Variants in SETBP1 observed in about 807,000 individuals in gnomAD.
The protein encoded by SETBP1 is SET-binding protein.
SETBP1 carries 9 observed loss-of-function variants against 101.0 expected under a neutral mutation model. That is an observed-to-expected ratio of 0.09 (90% CI 0.05 to 0.16). The LOEUF (loss-of-function observed/expected upper bound fraction) is 0.16, where lower values mean the gene tolerates loss of function less well. Among genes scored for constraint, SETBP1 ranks in the 10% least tolerant of loss-of-function variants. The probability of loss-of-function intolerance (pLI) is 1.00; values close to 1 mark genes in which losing one functional copy is unlikely to be tolerated. For missense variants in SETBP1, 1,858 were observed against 2,033.8 expected, an observed-to-expected ratio of 0.91 and a Z score of 1.66; for synonymous variants, 818 against 788.5, an observed-to-expected ratio of 1.04 and a Z score of -0.63.
intron 3 of SETBP1, among the ~76,000 whole-genome samples, chr18:44,903,240 T>C (rs1180763246): frequency 1.3e-5 from 2 of 152,108 alleles, no homozygotes. Flanking sequence ...AGGTTTTAGG[T>C]ATAAAATAAA....
At chr18:44,743,116 G>T (rs2057274363) in intron 2 of SETBP1, among the ~76,000 whole-genome samples, 1 of 150,450 alleles carries the variant, frequency 6.6e-6, no homozygotes, top group African/African-American at 2.5e-5. Flanking sequence ...CTGCTTCCCT[G>T]CCTTCCCTTC....
At chr18:44,937,193 C>T (rs1052261941) in intron 3 of SETBP1, among the ~76,000 whole-genome samples, 1 of 152,100 alleles carries the variant, frequency 6.6e-6, no homozygotes, top group African/African-American at 2.4e-5. Context: ...TGGCTCACGC[C>T]TGTAATCCCA....
intron 2 of SETBP1, among the ~76,000 whole-genome samples, chr18:44,813,389 T>G (rs980059001): frequency 4.6e-5 from 7 of 152,126 alleles, no homozygotes; most frequent in African/African-American, 1.7e-4. Flanking sequence ...GGGAGACAAG[T>G]GCTGGACAGG....
chr18:45,002,107 C>T (rs2072629693), intron 4 of SETBP1, among the ~76,000 whole-genome samples: 1 of 152,174 alleles, frequency 6.6e-6, no homozygotes, highest in Admixed American at 6.5e-5. Context: ...AGCCTTCTCC[C>T]CCACAGTTCA....
chr18:44,776,575 A>C (rs974357098), intron 2 of SETBP1, among the ~76,000 whole-genome samples: 4 of 152,166 alleles, frequency 2.6e-5, no homozygotes, highest in African/African-American at 9.7e-5. Flanking sequence ...GTGTGTTAAG[A>C]AGCTTTCCTC....
intron 3 of SETBP1, among the ~76,000 whole-genome samples, chr18:44,881,967 C>A (rs1162114215): frequency 6.6e-6 from 1 of 152,120 alleles, no homozygotes; most frequent in Non-Finnish European, 1.5e-5. Flanking sequence ...CATTAAGCAG[C>A]AATAACAAAC....
chr18:44,852,422 G>C (rs2072889569), intron 2 of SETBP1, among the ~76,000 whole-genome samples: 1 of 152,214 alleles, frequency 6.6e-6, no homozygotes, highest in South Asian at 2.1e-4. Flanking sequence ...TTCCCATGAA[G>C]CTGGGTGTGC....
At chr18:44,753,353 T>C (rs1323940753) in intron 2 of SETBP1, among the ~76,000 whole-genome samples, 1 of 152,182 alleles carries the variant, frequency 6.6e-6, no homozygotes, top group African/African-American at 2.4e-5. Context: ...AGAATACTCC[T>C]TCATCCATGG....
intron 4 of SETBP1, among the ~76,000 whole-genome samples, chr18:45,034,439 T>C (rs994182463): frequency 2.0e-5 from 3 of 151,960 alleles, no homozygotes; most frequent in African/African-American, 7.3e-5. Context: ...GGTGTGCAGG[T>C]AGAGGTTTGA....
chr18:45,034,301 G>A (rs550108368), intron 4 of SETBP1, among the ~76,000 whole-genome samples: 2 of 152,292 alleles, frequency 1.3e-5, no homozygotes, highest in South Asian at 2.1e-4. Flanking sequence ...TAGATGCAGC[G>A]CCTGCCACTG....
intron 4 of SETBP1, among the ~76,000 whole-genome samples, chr18:45,014,726 G>T (rs1219975837): frequency 6.6e-6 from 1 of 151,852 alleles, no homozygotes; most frequent in Admixed American, 6.6e-5. Context: ...TACTAGTTGT[G>T]GTAATAAAGG....
chr18:44,691,677 T>G (rs1381151858), intron 1 of SETBP1, among the ~76,000 whole-genome samples: 1 of 152,142 alleles, frequency 6.6e-6, no homozygotes, highest in African/African-American at 2.4e-5. Flanking sequence ...ACTAACGGCA[T>G]ATGCTTAGTT....
chr18:44,742,362 A>AG (rs1349400911), intron 2 of SETBP1, among the ~76,000 whole-genome samples: 1 of 152,110 alleles, frequency 6.6e-6, no homozygotes, highest in Non-Finnish European at 1.5e-5. Context: ...GTCTTCTGGG[A>AG]GATTTTGCTC....
intron 3 of SETBP1, among the ~76,000 whole-genome samples, chr18:44,947,737 C>G (rs778061044): frequency 1.3e-5 from 2 of 152,130 alleles, no homozygotes; most frequent in African/African-American, 4.8e-5. Flanking sequence ...AACGCCCGAC[C>G]TCAGGTGATC....
At chr18:45,014,551 A>G (rs1207959848) in intron 4 of SETBP1, among the ~76,000 whole-genome samples, 1 of 152,146 alleles carries the variant, frequency 6.6e-6, no homozygotes, top group East Asian at 1.9e-4. Flanking sequence ...TGGCCTAGGG[A>G]CGGCTTGCTG....
chr18:44,832,683 G>C (rs1414398871), intron 2 of SETBP1, among the ~76,000 whole-genome samples: 1 of 152,186 alleles, frequency 6.6e-6, no homozygotes, highest in Non-Finnish European at 1.5e-5. Flanking sequence ...CTCTGAGGCA[G>C]GGCTGATGGG....
At chr18:44,736,987 T>A (rs1393974703) in intron 2 of SETBP1, among the ~76,000 whole-genome samples, 1 of 152,246 alleles carries the variant, frequency 6.6e-6, no homozygotes, top group Non-Finnish European at 1.5e-5. Flanking sequence ...TTCCTCAGTA[T>A]ATCTCCAGTG....
intron 3 of SETBP1, among the ~76,000 whole-genome samples, chr18:44,927,185 C>T (rs1247004314): frequency 1.3e-5 from 2 of 152,154 alleles, no homozygotes; most frequent in African/African-American, 4.8e-5. Flanking sequence ...AGCACCATGT[C>T]TCGTCTATAG....
chr18:44,763,306 G>C (rs756941573), intron 2 of SETBP1, among the ~76,000 whole-genome samples: 2 of 152,160 alleles, frequency 1.3e-5, no homozygotes, highest in African/African-American at 2.4e-5. Flanking sequence ...TGGGCAGAGG[G>C]GATATGTTAA....
Sources: allele counts gnomAD v4.1 joint callset (sites outside exome capture counted in the v4.1 genomes callset), GRCh38; gene constraint gnomAD v4.1.1; transcripts MANE v1.5; gene names NCBI Gene and HGNC (gene_info 2026-07-23, HGNC 2026-07-21).